VAC14: variants seen among roughly 807,000 people sequenced by gnomAD.
VAC14 encodes the protein protein VAC14 homolog.
VAC14 carries 47 observed loss-of-function variants against 85.3 expected under a neutral mutation model. That is an observed-to-expected ratio of 0.55 (90% CI 0.44 to 0.70). The LOEUF (loss-of-function observed/expected upper bound fraction) is 0.70, where lower values mean the gene tolerates loss of function less well. VAC14 is among the 30% of genes least tolerant of loss of function. The probability of loss-of-function intolerance (pLI) is 0.00; values close to 1 mark genes in which losing one functional copy is unlikely to be tolerated. For missense variants in VAC14, 861 were observed against 1,004.3 expected (o/e 0.86, Z 1.93); for synonymous variants, 447 against 430.5 (o/e 1.04, Z -0.47).
At chr16:70,704,370 G>A (rs752132190) in intron 14 of VAC14, among the ~76,000 whole-genome samples, 1 of 152,210 alleles carries the variant, frequency 6.6e-6, no homozygotes, top group Non-Finnish European at 1.5e-5. Flanking sequence ...TCCTTTCCTG[G>A]GTTGGGGGCA....
chr16:70,741,586 A>T (rs1006621852), intron 13 of VAC14, among the ~76,000 whole-genome samples: 2 of 152,132 alleles, frequency 1.3e-5, no homozygotes, highest in Non-Finnish European at 2.9e-5. Context: ...TGGCCCAGAG[A>T]GTTGTGGATT....
chr16:70,784,745 A>G, intron 4 of VAC14, 31 bp downstream of exon 4: 1 of 1,598,568 alleles, frequency 6.3e-7, no homozygotes, highest in Non-Finnish European at 8.6e-7. Flanking sequence ...AACAGATTGT[A>G]GAAATAAAAG....
chr16:70,747,747 G>A (rs1016805097), intron 12 of VAC14: 2 of 152,338 alleles, frequency 1.3e-5, no homozygotes, highest in Non-Finnish European at 2.9e-5. Context: ...ACCTCTGGGC[G>A]GCCAACACTG....
intron 13 of VAC14, among the ~76,000 whole-genome samples, chr16:70,733,511 C>T (rs2054655935): frequency 6.6e-6 from 1 of 151,838 alleles, no homozygotes; most frequent in African/African-American, 2.4e-5. Context: ...GAAGTGGGGC[C>T]TGGTGGGAGG....
chr16:70,788,851 C>T (rs2143300583), intron 1 of VAC14, among the ~76,000 whole-genome samples: 1 of 152,372 alleles, frequency 6.6e-6, no homozygotes, highest in Middle Eastern at 3.4e-3. Context: ...CCTCCAACTA[C>T]ACCAGACCTG....
chr16:70,713,146 G>T (rs758706393), intron 14 of VAC14, among the ~76,000 whole-genome samples: 6 of 152,120 alleles, frequency 3.9e-5, no homozygotes, highest in Non-Finnish European at 7.4e-5. Flanking sequence ...CATAATACAA[G>T]CACGAAAAAA....
chr16:70,793,703 T>C (rs2034431189), intron 1 of VAC14, among the ~76,000 whole-genome samples: 1 of 152,230 alleles, frequency 6.6e-6, no homozygotes, highest in Non-Finnish European at 1.5e-5. Flanking sequence ...AGAGGGAACA[T>C]CCTCAGCTGT....
At chr16:70,707,797 TTTTC>T (rs2053949609) in intron 14 of VAC14, among the ~76,000 whole-genome samples, 1 of 151,814 alleles carries the variant, frequency 6.6e-6, no homozygotes. Flanking sequence ...GCTTGGCCTT[TTTTC>T]TTTTTTTTTT....
chr16:70,691,460 AGGCCTCTCTC>A (rs1597843737), intron 18 of VAC14: 1 of 984,668 alleles, frequency 1.0e-6, no homozygotes, highest in Non-Finnish European at 1.2e-6. Flanking sequence ...TGTGGCTTCT[AGGCCTCTCTC>A]GGAGTCTCTC....
chr16:70,717,175 A>G (rs76135772), intron 14 of VAC14, among the ~76,000 whole-genome samples: 49 of 152,356 alleles, frequency 3.2e-4, no homozygotes, highest in African/African-American at 1.1e-3. Context: ...TTTTCAGGGC[A>G]ATCAGCACCA....
At position 70,760,962 on chromosome 16, in the gene VAC14, G is replaced by GGGGTGTGTGTGTGT. The variant is rs1402592187; in HGVS notation, c.1371+1577_1371+1578insACACACACACACCC. Among the ~76,000 whole-genome samples, 21 of 47,622 alleles carry GGGGTGTGTGTGTGT rather than the reference G, an allele frequency of 4.4e-4. 2 individuals are homozygous for GGGGTGTGTGTGTGT. The highest frequency in any genetic ancestry group is 2.2e-3 in the East Asian group (3 of 1,366). The allele number at this position is 47,622 out of a possible 152,430, so 31.2% of individuals were successfully genotyped here. A position where few individuals can be genotyped will look rare whatever the true frequency, so the allele number is the denominator to read the frequency against. The stretch of plus-strand genomic sequence containing the variant: ...TGCAGGGGGTGGTGCACGAAGAGAG[G>GGGGTGTGTGTGTGT]GTGTGTGTGTGTGTGTGTGTGTGTG... On this transcript the variant is annotated intron_variant, in intron 12 of 18. Transcript: ENST00000261776.
At chr16:70,701,482 G>A (rs980315626) in intron 14 of VAC14, among the ~76,000 whole-genome samples, 1 of 152,078 alleles carries the variant, frequency 6.6e-6, no homozygotes, top group African/African-American at 2.4e-5. Context: ...CCACTGGCAC[G>A]TATGGGGGCC....
At chr16:70,739,149 C>G (rs764460807) in intron 13 of VAC14, among the ~76,000 whole-genome samples, 1 of 152,218 alleles carries the variant, frequency 6.6e-6, no homozygotes, top group Non-Finnish European at 1.5e-5. Context: ...GGCACCCCAG[C>G]ACCTGGTTTA....
chr16:70,762,492 G>C lies in VAC14; in HGVS notation c.1371+48C>G. On this transcript the variant is annotated intron_variant, in intron 12 of 18. Coordinates refer to ENST00000261776, the MANE Select transcript of VAC14 (RefSeq NM_018052.5). The surrounding 1 kb of genome is among the most constrained non-coding windows in gnomAD (Gnocchi z 4.1). The stretch of plus-strand genomic sequence containing the variant: ...CATATCTCAGTCACTAACAAGGGGA[G>C]GCAGGGCAGCCGATGTTCCATAAGT... The C allele has an allele frequency of 1.3e-6, 2 of 1,573,526 alleles. No homozygotes were observed. Among genetic ancestry groups the C allele is most frequent in the South Asian group, 2.2e-5 (2 of 89,698 alleles).
chr16:70,770,179 TCA>T (rs2033112257), intron 10 of VAC14: 1 of 152,134 alleles, frequency 6.6e-6, no homozygotes, highest in Non-Finnish European at 1.5e-5. Flanking sequence ...GGGGTCTGGC[TCA>T]CACCAAATTT....
intron 18 of VAC14, chr16:70,690,977 C>A: frequency 2.0e-6 from 2 of 985,048 alleles, no homozygotes; most frequent in Non-Finnish European, 2.4e-6. Flanking sequence ...ACTGGGCTTG[C>A]TGGAGGTCAC....
Position 70,788,240 on chromosome 16 carries a change from G to A in VAC14, c.105-1875C>T, listed in dbSNP as rs148270689. Among the ~76,000 whole-genome samples, 684 of 152,310 alleles carry A rather than the reference G, an allele frequency of 4.5e-3. 3 individuals are homozygous for A. Among genetic ancestry groups the A allele is most frequent in the African/African-American group, 0.015 (642 of 41,582 alleles). ...TGTCCTGTGAGACAGTGAGCACTCC[G>A]GCAAAAAGGCTGTTCAAAGAGGGAC... On this transcript the variant is annotated intron_variant, in intron 1 of 18. Transcript: ENST00000261776.
intron 14 of VAC14, among the ~76,000 whole-genome samples, chr16:70,713,072 G>T (rs567262740): frequency 1.3e-5 from 2 of 152,298 alleles, no homozygotes; most frequent in South Asian, 2.1e-4. Context: ...CTTCAAAGGC[G>T]TATGTTTCAT....
intron 14 of VAC14, among the ~76,000 whole-genome samples, chr16:70,726,342 G>A (rs762339948): frequency 3.3e-5 from 5 of 152,236 alleles, no homozygotes; most frequent in African/African-American, 7.2e-5. Flanking sequence ...CAACAGGGCC[G>A]GTGCACTGGA....
Sources: gnomAD v4.1 joint callset for allele counts (sites outside exome capture counted in the v4.1 genomes callset) on GRCh38, gnomAD v4.1.1 for gene constraint, Gnocchi (gnomAD v3.1) non-coding constraint, MANE v1.5 for transcripts, NCBI Gene and HGNC (gene_info 2026-07-23, HGNC 2026-07-21) for gene names.